EPAS1: variants seen among roughly 807,000 people sequenced by gnomAD.
EPAS1 encodes endothelial PAS domain-containing protein 1.
Under a neutral mutation model 87.9 loss-of-function variants are expected in EPAS1, and 23 were observed. The observed-to-expected ratio is 0.26, with a 90% CI of 0.19 to 0.37. The LOEUF (loss-of-function observed/expected upper bound fraction) is 0.37, where lower values mean the gene tolerates loss of function less well. Ranked by LOEUF, EPAS1 falls within the 10% of genes least tolerant of loss-of-function variation. The pLI is 1.00. For missense variants in EPAS1, 1,138 were observed against 1,120.7 expected (o/e 1.02, Z -0.22); for synonymous variants, 508 against 444.3 (o/e 1.14, Z -1.80).
chr2:46,320,106 T>C (rs768751083), intron 1 of EPAS1, among the ~76,000 whole-genome samples: 1 of 152,222 alleles, frequency 6.6e-6, no homozygotes, highest in Non-Finnish European at 1.5e-5. Context: ...CTCCTTTTTC[T>C]AGAATTACTG....
intron 1 of EPAS1, among the ~76,000 whole-genome samples, chr2:46,308,130 A>G (rs1683143835): frequency 6.6e-6 from 1 of 152,020 alleles, no homozygotes; most frequent in Non-Finnish European, 1.5e-5. Flanking sequence ...GTGCTGCAGT[A>G]CTCATTCCCA....
At chr2:46,359,276 A>AAAAAAAAAAAAAAAAAAAAAAT (rs1684337581) in intron 4 of EPAS1, among the ~76,000 whole-genome samples, 1 of 148,760 alleles carries the variant, frequency 6.7e-6, no homozygotes, top group African/African-American at 2.5e-5. Context: ...AAAAAAAAAA[A>AAAAAAAAAAAAAAAAAAAAAAT]AAAAAGATCA....
intron 1 of EPAS1, among the ~76,000 whole-genome samples, chr2:46,337,600 G>A (rs1186022964): frequency 2.0e-5 from 3 of 152,178 alleles, no homozygotes; most frequent in Non-Finnish European, 4.4e-5. Flanking sequence ...AGGCAGTGTT[G>A]TAGGAACAGG....
At chr2:46,325,028 A>C (rs1160454751) in intron 1 of EPAS1, among the ~76,000 whole-genome samples, 1 of 152,258 alleles carries the variant, frequency 6.6e-6, no homozygotes, top group African/African-American at 2.4e-5. Context: ...AAGAGAAGAA[A>C]AAAGGTCCAG....
At chr2:46,327,527 G>A (rs1683587593) in intron 1 of EPAS1, among the ~76,000 whole-genome samples, 1 of 152,096 alleles carries the variant, frequency 6.6e-6, no homozygotes, top group Non-Finnish European at 1.5e-5. Context: ...CTGAAGCTTG[G>A]AACACTGCCA....
chr2:46,298,727 G>C (rs934867153), intron 1 of EPAS1, among the ~76,000 whole-genome samples: 1 of 152,196 alleles, frequency 6.6e-6, no homozygotes, highest in Admixed American at 6.5e-5. Flanking sequence ...CTCGGCACTG[G>C]GTGAGAGGCA....
chr2:46,316,831 C>G (rs978922241), intron 1 of EPAS1, among the ~76,000 whole-genome samples: 1 of 152,196 alleles, frequency 6.6e-6, no homozygotes, highest in Admixed American at 6.5e-5. Context: ...TAGCATTTTA[C>G]CCACAGTAAA....
Position 46,346,652 on chromosome 2 carries a change from T to C in EPAS1, c.27-221T>C, listed in dbSNP as rs1362067736. On this transcript the variant is annotated intron_variant, in intron 1 of 15. Coordinates refer to ENST00000263734, the MANE Select transcript of EPAS1 (RefSeq NM_001430.5). The surrounding 1 kb of genome is among the most constrained non-coding windows in gnomAD (Gnocchi z 4.0). Reference sequence around the variant, plus strand: ...GCCCTGTTCTGGCCTCCACAGGGAATGCAAGAGGAGGACTTTGGTTGTGAA... The same window carrying C: ...GCCCTGTTCTGGCCTCCACAGGGAACGCAAGAGGAGGACTTTGGTTGTGAA... Among the ~76,000 whole-genome samples, 1 of 152,228 alleles carries C rather than the reference T, an allele frequency of 6.6e-6. No homozygotes were observed. The highest frequency in any genetic ancestry group is 2.4e-5 in the African/African-American group (1 of 41,460).
intron 7 of EPAS1, among the ~76,000 whole-genome samples, chr2:46,372,350 C>G (rs577155067): frequency 3.3e-5 from 5 of 152,210 alleles, no homozygotes; most frequent in Non-Finnish European, 5.9e-5. Context: ...TCAAGTTTCA[C>G]TACAGACTGA....
At chr2:46,372,561 G>C (rs552546098) in intron 7 of EPAS1, among the ~76,000 whole-genome samples, 3 of 152,252 alleles carry the variant, frequency 2.0e-5, no homozygotes. Context: ...TACTCTGGGC[G>C]TGAGGTTAGG....
At chr2:46,304,907 G>A (rs772518123) in intron 1 of EPAS1, among the ~76,000 whole-genome samples, 1 of 152,234 alleles carries the variant, frequency 6.6e-6, no homozygotes, top group Non-Finnish European at 1.5e-5. Context: ...ATAGCATGTT[G>A]CATTTCTATA....
At chr2:46,297,974 G>C in intron 1 of EPAS1, 37 bp downstream of exon 1, 1 of 1,608,950 alleles carries the variant, frequency 6.2e-7, no homozygotes, top group South Asian at 1.1e-5. Context: ...GGGCCGGTCC[G>C]AGGCCAGGGC....
At chr2:46,315,854 T>C (rs550339456) in intron 1 of EPAS1, among the ~76,000 whole-genome samples, 19 of 152,362 alleles carry the variant, frequency 1.2e-4, no homozygotes, top group African/African-American at 4.6e-4. Flanking sequence ...GGGAAGGCCC[T>C]GGGACCATGT....
At chr2:46,348,816 A>G (rs903586193) in intron 2 of EPAS1, among the ~76,000 whole-genome samples, 12 of 152,204 alleles carry the variant, frequency 7.9e-5, no homozygotes, top group Non-Finnish European at 1.6e-4. Context: ...AAATGGTCCA[A>G]TGAGCATTTC....
intron 1 of EPAS1, among the ~76,000 whole-genome samples, chr2:46,317,979 AC>A (rs1170714968): frequency 1.3e-5 from 2 of 152,122 alleles, no homozygotes; most frequent in African/African-American, 4.8e-5. Flanking sequence ...TCTGGATTAG[AC>A]TTTGGCTTAA....
At chr2:46,348,425 G>C (rs77649689) in intron 2 of EPAS1, among the ~76,000 whole-genome samples, 1,984 of 152,302 alleles carry the variant, frequency 0.013, 22 homozygotes, top group Non-Finnish European at 0.021. Context: ...CTTTAAAAAG[G>C]CTTGTCTTAC....
Position 46,380,719 on chromosome 2 carries a change from T to C in EPAS1, c.2045+2T>C. ...CCATGTCTCCACCTTCAAGACAAGG[T>C]AAGTGGCAGATACTCAGCTGTACCA... On this transcript the variant is annotated splice_donor_variant, in intron 12 of 15. Transcript: ENST00000263734. LOFTEE classifies it high-confidence loss of function. The surrounding 1 kb of genome is among the most constrained non-coding windows in gnomAD (Gnocchi z 4.4). The C allele has an allele frequency of 6.2e-7, 1 of 1,609,754 alleles. No individual in the cohort carries two copies. The highest frequency in any genetic ancestry group is 8.5e-7 in the Non-Finnish European group (1 of 1,179,930).
intron 1 of EPAS1, among the ~76,000 whole-genome samples, chr2:46,311,079 C>T (rs372679100): frequency 5.3e-5 from 8 of 152,152 alleles, no homozygotes; most frequent in African/African-American, 1.4e-4. Flanking sequence ...GGGGTTTCAC[C>T]GTGTTAACCA....
intron 1 of EPAS1, among the ~76,000 whole-genome samples, chr2:46,322,856 A>T (rs1683478728): frequency 6.6e-6 from 1 of 152,212 alleles, no homozygotes; most frequent in African/African-American, 2.4e-5. Context: ...CAATCACAGC[A>T]CCTCTGAGCC....
Sources: gnomAD v4.1 joint callset for allele counts (sites outside exome capture counted in the v4.1 genomes callset) on GRCh38, gnomAD v4.1.1 for gene constraint, Gnocchi (gnomAD v3.1) non-coding constraint, MANE v1.5 for transcripts, NCBI Gene and HGNC (gene_info 2026-07-23, HGNC 2026-07-21) for gene names.